U2SURP: variants seen among roughly 807,000 people sequenced by gnomAD.
U2SURP encodes U2 snRNP-associated SURP motif-containing protein.
Under a neutral mutation model 144.9 loss-of-function variants are expected in U2SURP, and 9 were observed. That is an observed-to-expected ratio of 0.06 (90% CI 0.04 to 0.11). U2SURP has a LOEUF of 0.11. Ranked by LOEUF, U2SURP falls within the 10% of genes least tolerant of loss-of-function variation. The pLI, the probability that U2SURP is intolerant of heterozygous loss-of-function variation, is 1.00. For synonymous variants in U2SURP, 408 were observed against 396.8 expected (o/e 1.03, Z -0.33); for missense variants, 724 against 1,226.7 (o/e 0.59, Z 6.12).
At chr3:143,029,229 A>C (rs1933333427) in intron 16 of U2SURP, among the ~76,000 whole-genome samples, 1 of 152,256 alleles carries the variant, frequency 6.6e-6, no homozygotes, top group Non-Finnish European at 1.5e-5. Context: ...AAGCATTTTT[A>C]GAATATAGAA....
rs1290017541 is a variant in U2SURP, at chr3:143,017,925, TTAAAGTATACAGTTGACTAGG to T, written c.570+952_570+972del. 3.9e-5 allele frequency among the ~76,000 whole-genome samples: 6 copies of T among 152,082 alleles called. No homozygotes were observed. The East Asian group carries it at 1.2e-3, about 29-fold the overall frequency. ...AGACGCCTGGCTAAAATTTATCCTT[TTAAAGTATACAGTTGACTAGG>T]TGCAGTGGCTTATGCCTGTAATCCT... On this transcript the variant is annotated intron_variant, in intron 6 of 27. Transcript: ENST00000473835.
intron 23 of U2SURP, among the ~76,000 whole-genome samples, chr3:143,040,174 A>G (rs1358702319): frequency 6.6e-6 from 1 of 151,904 alleles, no homozygotes; most frequent in African/African-American, 2.4e-5. Flanking sequence ...AACTGAAAAA[A>G]GTATTGTTCT....
chr3:143,012,906 A>G (rs893323300), intron 3 of U2SURP, among the ~76,000 whole-genome samples: 3 of 152,178 alleles, frequency 2.0e-5, no homozygotes, highest in Non-Finnish European at 4.4e-5. Context: ...AATTTGTAAC[A>G]TAACACAGTC....
intron 24 of U2SURP, 115 bp downstream of exon 24, chr3:143,043,391 G>T (rs951553764): frequency 2.6e-6 from 3 of 1,134,854 alleles, no homozygotes; most frequent in Non-Finnish European, 2.4e-6. Context: ...TCTCTGCTTA[G>T]AACTCTTCAT....
At chr3:143,039,704 G>T (rs1934000224) in intron 23 of U2SURP, among the ~76,000 whole-genome samples, 1 of 151,136 alleles carries the variant, frequency 6.6e-6, no homozygotes, top group Non-Finnish European at 1.5e-5. Context: ...TTCTCCAATG[G>T]AAGTGGGAAC....
chr3:143,054,965 C>G lies in U2SURP; in HGVS notation c.2797C>G (p.Pro933Ala), dbSNP rs1391024897. ...TAGGAAGAGGCGACACAGTACATCC[C>G]CCAGCCCATCTCGCAGTAGCAGTGG... ...KERKRRHSTS[P>A]SPSRSSSGRR... Residue 933 changes from proline to alanine, a missense_variant, in exon 27 of 28, where the codon CCC becomes GCC. Around this residue, in one of 13 missense-constraint regions of U2SURP, gnomAD observed 129 missense variants for 196.1 expected, o/e 0.66. Coordinates refer to ENST00000473835, the MANE Select transcript of U2SURP (RefSeq NM_001080415.2). 1.9e-6 allele frequency: 3 copies of G among 1,608,616 alleles called. No homozygotes were observed. The highest frequency in any genetic ancestry group is 2.5e-6 in the Non-Finnish European group (3 of 1,177,924).
intron 16 of U2SURP, among the ~76,000 whole-genome samples, chr3:143,031,607 A>G (rs750909528): frequency 1.3e-5 from 2 of 152,224 alleles, no homozygotes; most frequent in East Asian, 3.8e-4. Flanking sequence ...TTTTTTAGAC[A>G]TACTGCTATT....
At chr3:143,025,192 G>A (rs1404195625) in intron 13 of U2SURP, among the ~76,000 whole-genome samples, 1 of 152,062 alleles carries the variant, frequency 6.6e-6, no homozygotes, top group Non-Finnish European at 1.5e-5. Flanking sequence ...TTACAAGCCT[G>A]TTTAAAACTA....
At chr3:143,044,628 A>G (rs902591903) in intron 24 of U2SURP, among the ~76,000 whole-genome samples, 1 of 152,182 alleles carries the variant, frequency 6.6e-6, no homozygotes, top group Non-Finnish European at 1.5e-5. Flanking sequence ...TAGTTTAGCA[A>G]TCAGTCTCAA....
chr3:143,045,254 C>T (rs748002046), intron 24 of U2SURP, among the ~76,000 whole-genome samples: 2 of 151,610 alleles, frequency 1.3e-5, no homozygotes, highest in Non-Finnish European at 2.9e-5. Context: ...CTGTAGTCCC[C>T]GCTACTCAGG....
chr3:143,032,950 T>C lies in U2SURP; in HGVS notation c.1773+4T>C, dbSNP rs1229111614. 1.2e-6 allele frequency: 2 copies of C among 1,606,488 alleles called. No homozygotes were observed. The highest frequency in any genetic ancestry group is 2.2e-5 in the South Asian group (2 of 88,954). The stretch of plus-strand genomic sequence containing the variant: ...AAAGACACCCCTTCCTAAAAAGGTA[T>C]GGGAATGAATTTTAAGAAAAGGGGA... On this transcript the variant is annotated splice_donor_region_variant and intron_variant, in intron 17 of 27. Coordinates refer to ENST00000473835, the MANE Select transcript of U2SURP (RefSeq NM_001080415.2).
In U2SURP at chr3:143,033,295, G is replaced by T; in HGVS notation, c.1798G>T (p.Asp600Tyr). The T allele has an allele frequency of 6.5e-7, 1 of 1,544,348 alleles. No homozygotes were observed. Among genetic ancestry groups the T allele is most frequent in the South Asian group, 1.2e-5 (1 of 83,722 alleles). The change falls in exon 18 of 28, where the codon GAT becomes TAT. Residue 600 changes from aspartate to tyrosine, a missense_variant. Asp to Tyr is a radical substitution (Grantham distance 160). Coordinates refer to ENST00000473835, the MANE Select transcript of U2SURP (RefSeq NM_001080415.2). Reference protein sequence around the residue: ...KKIARLYLVSDVLYNSSAKVA... With the variant: ...KKIARLYLVSYVLYNSSAKVA... Reference sequence around the variant, plus strand: ...GATTGCCAGATTATATTTGGTTTCTGATGTTTTGTACAACTCTTCAGCCAA... The same window carrying T: ...GATTGCCAGATTATATTTGGTTTCTTATGTTTTGTACAACTCTTCAGCCAA...
At chr3:143,005,382 C>G (rs1402388593) in intron 1 of U2SURP, among the ~76,000 whole-genome samples, 1 of 152,052 alleles carries the variant, frequency 6.6e-6, no homozygotes, top group South Asian at 2.1e-4. Flanking sequence ...TTTGTGGTAC[C>G]TGAAAGTTTA....
At chr3:143,053,815 A>G (rs957282950) in intron 26 of U2SURP, 21 bp downstream of exon 26, 9 of 1,553,284 alleles carry the variant, frequency 5.8e-6, no homozygotes, top group Non-Finnish European at 7.8e-6. Context: ...TCTCATATTT[A>G]ATTGCATATA....
chr3:143,023,772 T>C (rs73864928), intron 12 of U2SURP, among the ~76,000 whole-genome samples: 10 of 152,348 alleles, frequency 6.6e-5, no homozygotes, highest in African/African-American at 1.9e-4. Context: ...TCTTTGCATT[T>C]GGTGAACGTT....
chr3:143,006,444 A>G (rs1227477206), intron 1 of U2SURP, among the ~76,000 whole-genome samples: 3 of 152,108 alleles, frequency 2.0e-5, no homozygotes, highest in Non-Finnish European at 4.4e-5. Context: ...GAGTTAGAAA[A>G]TGTTAAATAA....
intron 2 of U2SURP, chr3:143,011,883 AC>A (rs1936132113): frequency 2.4e-5 from 11 of 451,758 alleles, no homozygotes; most frequent in South Asian, 1.8e-4. Context: ...TTCATGAAAC[AC>A]CAGTTTTACT....
At chr3:143,023,870 G>A in intron 12 of U2SURP, 105 bp from the exon 13 acceptor site, 4 of 1,043,648 alleles carry the variant, frequency 3.8e-6, no homozygotes, top group African/African-American at 1.6e-5. Context: ...CAAAACTTGT[G>A]ATTAGATATG....
At chr3:143,009,667 G>C (rs1049459832) in intron 1 of U2SURP, among the ~76,000 whole-genome samples, 3 of 152,054 alleles carry the variant, frequency 2.0e-5, no homozygotes, top group African/African-American at 7.2e-5. Flanking sequence ...CTGTTGTCCT[G>C]GGCTGATTTT....
Sources: gnomAD v4.1 joint callset for allele counts (sites outside exome capture counted in the v4.1 genomes callset) on GRCh38, gnomAD v4.1.1 for gene constraint, gnomAD v4.1.1 regional missense constraint, MANE v1.5 for transcripts, NCBI Gene and HGNC (gene_info 2026-07-23, HGNC 2026-07-21) for gene names.